Variants in MOSPD2 observed in about 807,000 individuals in gnomAD.
MOSPD2 encodes the protein motile sperm domain-containing protein 2.
Under a neutral mutation model 41.7 loss-of-function variants are expected in MOSPD2, and 5 were observed. The observed-to-expected ratio is 0.12, with a 90% confidence interval of 0.06 to 0.25. The LOEUF is 0.25. MOSPD2 is among the 10% of genes least tolerant of loss of function. The pLI, the probability that MOSPD2 is intolerant of heterozygous loss-of-function variation, is 1.00. For synonymous variants in MOSPD2, 115 were observed against 126.9 expected (o/e 0.91, Z 0.63); for missense variants, 282 against 375.2 (o/e 0.75, Z 2.05).
chrX:14,891,910 T>G (rs1191172266), intron 2 of MOSPD2, among the ~76,000 whole-genome samples: 3 of 111,953 alleles, frequency 2.7e-5, no homozygotes, highest in Non-Finnish European at 5.6e-5. Context: ...AAATGTCTTT[T>G]TAAAGCACAA....
chrX:14,875,300 G>A (rs1399162452), intron 2 of MOSPD2, among the ~76,000 whole-genome samples: 3 of 112,076 alleles, frequency 2.7e-5, no homozygotes, highest in African/African-American at 6.5e-5. Flanking sequence ...ACCCTTCAGT[G>A]CCTTTCCAAC....
intron 9 of MOSPD2, 71 bp downstream of exon 9, chrX:14,911,484 G>A: frequency 2.4e-6 from 2 of 816,751 alleles, no homozygotes; most frequent in Non-Finnish European, 3.4e-6. Flanking sequence ...CTAGCCAGCT[G>A]TGTGATTTTG....
rs1284426192 is a variant in MOSPD2 at position 14,919,889 on chromosome X, A to G, written c.*80A>G. On this transcript the variant is annotated 3_prime_UTR_variant, in exon 15 of 15. Transcript: ENST00000380492. ...AACAGACCTAAAACTCTACCAAGCT[A>G]CTAAAAACATTGCACATCTGTGCTT... is the stretch of plus-strand genomic sequence containing the variant. 2.7e-6 allele frequency: 3 copies of G among 1,130,995 alleles called. No homozygotes were observed. The highest frequency in any genetic ancestry group is 3.7e-5 in the African/African-American group (2 of 54,611). 93.2% of individuals were successfully genotyped at this position (1,130,995 alleles called of 1,213,427 possible). A position where few individuals can be genotyped will look rare whatever the true frequency, so the allele number is the denominator to read the frequency against.
chrX:14,881,257 A>G lies in MOSPD2; in HGVS notation c.79+7499A>G, dbSNP rs183557909. Among the ~76,000 whole-genome samples the G allele has an allele frequency of 2.8e-5, 3 of 108,289 alleles. No homozygotes were observed. In the East Asian group the frequency reaches 8.6e-4, roughly 31 times the overall value. The allele number at this position is 108,289 out of a possible 115,157, so 94.0% of individuals were successfully genotyped here. A position where few individuals can be genotyped will look rare whatever the true frequency, so the allele number is the denominator to read the frequency against. ...GTCCTTTTTTTTTTTTAATTAAGCA[A>G]TTAGCTTTGAGGAATGCCTTCATTT... On this transcript the variant is annotated intron_variant, in intron 2 of 14. Coordinates refer to ENST00000380492, the MANE Select transcript of MOSPD2 (RefSeq NM_152581.4).
chrX:14,915,795 G>A, intron 12 of MOSPD2, 31 bp downstream of exon 12: 8 of 1,104,302 alleles, frequency 7.2e-6, no homozygotes, highest in Non-Finnish European at 1.0e-5. Flanking sequence ...CACAGCAGGT[G>A]TTGGGTGTGG....
chrX:14,919,808 AAAG>A lies in MOSPD2; in HGVS notation c.*3_*5del. 3 of 1,201,838 alleles carry A rather than the reference AAAG, an allele frequency of 2.5e-6. No individual in the cohort carries two copies. Among genetic ancestry groups the A allele is most frequent in the Non-Finnish European group, 1.1e-6 (1 of 890,939 alleles). ...TCTTTCTTCTATTTATTGTACAGTT[AAAG>A]AAGTGGTGCCGGGTAGGAACCACGG... On this transcript the variant is annotated stop_retained_variant and 3_prime_UTR_variant, in exon 15 of 15. Transcript: ENST00000380492.
Position 14,920,980 on chromosome X carries a change from A to G in MOSPD2, c.*1171A>G, listed in dbSNP as rs2092608636. 1.3e-6 allele frequency: 1 copy of G among 755,449 alleles called. No individual in the cohort carries two copies. The highest frequency in any genetic ancestry group is 1.6e-6 in the Non-Finnish European group (1 of 640,113). The allele number at this position is 755,449 out of a possible 1,213,427, so 62.3% of individuals were successfully genotyped here. ...CTGTGAAACCTTCAAACTAGGACCA[A>G]TTGACTTACTTGATATTCTGCCTTT... is the stretch of plus-strand genomic sequence containing the variant. On this transcript the variant is annotated 3_prime_UTR_variant, in exon 15 of 15. Transcript: ENST00000380492.
At chrX:14,891,763 C>CT (rs1333334016) in intron 2 of MOSPD2, among the ~76,000 whole-genome samples, 1 of 109,285 alleles carries the variant, frequency 9.2e-6, no homozygotes, top group Non-Finnish European at 1.9e-5. Flanking sequence ...GACGGGGTTT[C>CT]TCCATGTTGC....
intron 7 of MOSPD2, among the ~76,000 whole-genome samples, chrX:14,906,032 A>C (rs1432033651): frequency 8.9e-6 from 1 of 111,920 alleles, no homozygotes; most frequent in Non-Finnish European, 1.9e-5. Flanking sequence ...CTACTGATTC[A>C]GTGCAGTCCC....
Position 14,917,826 on chromosome X carries a change from C to G in MOSPD2, c.1317-854C>G, listed in dbSNP as rs189689828. On this transcript the variant is annotated intron_variant, in intron 13 of 14. Coordinates refer to ENST00000380492, the MANE Select transcript of MOSPD2 (RefSeq NM_152581.4). Reference sequence around the variant, plus strand: ...CTTGAGCCCAGGAGTCCAAGACCACCCTTGGCAACATAGGGAAACTTTCTT... The same window carrying G: ...CTTGAGCCCAGGAGTCCAAGACCACGCTTGGCAACATAGGGAAACTTTCTT... Among the ~76,000 whole-genome samples the G allele has an allele frequency of 2.5e-3, 276 of 111,354 alleles. 1 individual carries two copies. Among genetic ancestry groups the G allele is most frequent in the Middle Eastern group, 0.018 (4 of 217 alleles).
chrX:14,910,438 A>T (rs1039916717), intron 8 of MOSPD2, among the ~76,000 whole-genome samples: 5 of 111,739 alleles, frequency 4.5e-5, no homozygotes, highest in Non-Finnish European at 9.4e-5. Context: ...TCATTTTTAA[A>T]CCAAAATATT....
intron 3 of MOSPD2, among the ~76,000 whole-genome samples, chrX:14,893,696 T>C (rs770267844): frequency 8.9e-6 from 1 of 112,570 alleles, no homozygotes; most frequent in African/African-American, 3.2e-5. Context: ...GCAGATACTC[T>C]CCTCACTCTT....
intron 13 of MOSPD2, 96 bp from the exon 14 acceptor site, chrX:14,918,584 A>G: frequency 1.8e-6 from 1 of 566,699 alleles, no homozygotes; most frequent in Non-Finnish European, 2.8e-6. Context: ...TACCTCTGTT[A>G]CATAGACTTC....
intron 2 of MOSPD2, among the ~76,000 whole-genome samples, chrX:14,884,832 A>T (rs991291118): frequency 5.4e-5 from 6 of 111,547 alleles, no homozygotes; most frequent in Non-Finnish European, 1.1e-4. Context: ...TACATATAAA[A>T]AGGGATACTA....
At chrX:14,909,708 G>A (rs962751035) in intron 8 of MOSPD2, among the ~76,000 whole-genome samples, 3 of 111,000 alleles carry the variant, frequency 2.7e-5, no homozygotes, top group African/African-American at 9.8e-5. Context: ...TGATTTTTTT[G>A]CAATCTATTT....
intron 8 of MOSPD2, among the ~76,000 whole-genome samples, chrX:14,910,384 T>G (rs1234806692): frequency 9.0e-6 from 1 of 111,563 alleles, no homozygotes; most frequent in Admixed American, 9.6e-5. Flanking sequence ...TTTTCACATC[T>G]TTTATTTTGC....
chrX:14,873,584 G>A (rs1202247218), intron 1 of MOSPD2, 47 bp downstream of exon 1: 6 of 1,210,832 alleles, frequency 5.0e-6, no homozygotes, highest in Non-Finnish European at 6.7e-6. Context: ...CCCGGAAGCC[G>A]CCTCTGAGGC....
chrX:14,892,976 C>A, intron 3 of MOSPD2, 98 bp downstream of exon 3: 1 of 548,978 alleles, frequency 1.8e-6, no homozygotes, highest in Non-Finnish European at 2.9e-6. Context: ...TCCTAGCAGT[C>A]ATCATAAACA....
intron 2 of MOSPD2, 98 bp downstream of exon 2, chrX:14,873,856 C>T: frequency 1.5e-6 from 1 of 683,456 alleles, no homozygotes; most frequent in Non-Finnish European, 2.4e-6. Flanking sequence ...TGTTAGGGAC[C>T]CTTTCGACCC....
Sources: allele counts gnomAD v4.1 joint callset (sites outside exome capture counted in the v4.1 genomes callset), GRCh38; gene constraint gnomAD v4.1.1; transcripts MANE v1.5; gene names NCBI Gene and HGNC (gene_info 2026-07-23, HGNC 2026-07-21).